Variants in DOCK3 observed in about 807,000 individuals in gnomAD.
The protein encoded by DOCK3 is dedicator of cytokinesis protein 3.
Under a neutral mutation model 265.6 loss-of-function variants are expected in DOCK3, and 60 were observed. That is an observed-to-expected ratio of 0.23 (90% CI 0.18 to 0.28). The LOEUF is 0.28. Ranked by LOEUF, DOCK3 falls within the 10% of genes least tolerant of loss-of-function variation. The pLI, the probability that DOCK3 is intolerant of heterozygous loss-of-function variation, is 1.00. For synonymous variants in DOCK3, 881 were observed against 938.0 expected, an observed-to-expected ratio of 0.94 and a Z score of 1.11; for missense variants, 1,981 against 2,594.3, an observed-to-expected ratio of 0.76 and a Z score of 5.14.
intron 1 of DOCK3, chr3:50,719,855 A>G: frequency 1.4e-6 from 1 of 710,434 alleles, no homozygotes; most frequent in Non-Finnish European, 2.6e-6. Flanking sequence ...CATTCTTTCC[A>G]GTGCTCAGAG....
At chr3:51,215,251 G>A (rs550763252) in intron 14 of DOCK3, among the ~76,000 whole-genome samples, 3 of 152,070 alleles carry the variant, frequency 2.0e-5, no homozygotes, top group Non-Finnish European at 2.9e-5. Flanking sequence ...GCGACTACAC[G>A]TGTACATCAC....
intron 2 of DOCK3, among the ~76,000 whole-genome samples, chr3:50,785,074 T>C (rs1441550848): frequency 1.3e-5 from 2 of 152,192 alleles, no homozygotes; most frequent in Non-Finnish European, 2.9e-5. Flanking sequence ...GGAGAATTGC[T>C]TGAACCTGGG....
intron 1 of DOCK3, among the ~76,000 whole-genome samples, chr3:50,708,894 A>G (rs945753237): frequency 1.3e-5 from 2 of 152,192 alleles, no homozygotes; most frequent in East Asian, 3.8e-4. Context: ...ATGTGTGGTT[A>G]TCTACTTAGT....
chr3:50,886,376 C>T lies in DOCK3; in HGVS notation c.163-3650C>T, dbSNP rs375008614. ...GATAGTCATCATTTAGCTATGGTTACGTGCAGTTGCTTTTTAAATCCTTTT... is the reference window on the plus strand; with the variant it reads ...GATAGTCATCATTTAGCTATGGTTATGTGCAGTTGCTTTTTAAATCCTTTT... On this transcript the variant is annotated intron_variant, in intron 3 of 52. Transcript: ENST00000266037. Among the ~76,000 whole-genome samples the T allele has an allele frequency of 5.9e-5, 9 of 151,664 alleles. No individual in the cohort carries two copies. In the East Asian group the frequency reaches 9.7e-4, roughly 16 times the overall value.
At chr3:51,118,564 A>T (rs1450072437) in intron 9 of DOCK3, among the ~76,000 whole-genome samples, 1 of 152,190 alleles carries the variant, frequency 6.6e-6, no homozygotes, top group Non-Finnish European at 1.5e-5. Flanking sequence ...GGGGTGTTAA[A>T]GTCTCCCACT....
intron 1 of DOCK3, among the ~76,000 whole-genome samples, chr3:50,731,263 A>G (rs1002983062): frequency 1.3e-5 from 2 of 152,368 alleles, no homozygotes; most frequent in East Asian, 1.9e-4. Context: ...GGCAAGGTCA[A>G]TTTAACAACT....
chr3:51,079,277 T>C (rs895530523), intron 7 of DOCK3, among the ~76,000 whole-genome samples: 14 of 152,160 alleles, frequency 9.2e-5, no homozygotes, highest in Non-Finnish European at 1.8e-4. Context: ...TAATGATTGA[T>C]AAAAGTCTCT....
At chr3:51,049,793 C>CCACA (rs34449511) in intron 5 of DOCK3, among the ~76,000 whole-genome samples, 289 of 147,308 alleles carry the variant, frequency 2.0e-3, no homozygotes, top group African/African-American at 5.2e-3. Flanking sequence ...CCTAATGGGT[C>CCACA]CACACACACA....
At chr3:50,704,509 A>G (rs1430437810) in intron 1 of DOCK3, among the ~76,000 whole-genome samples, 1 of 152,204 alleles carries the variant, frequency 6.6e-6, no homozygotes, top group Non-Finnish European at 1.5e-5. Flanking sequence ...TAAAGTAACC[A>G]TATAATGACT....
chr3:51,255,489 C>T (rs895654376), intron 22 of DOCK3, among the ~76,000 whole-genome samples: 2 of 152,240 alleles, frequency 1.3e-5, no homozygotes, highest in African/African-American at 2.4e-5. Context: ...TTCTCCCCGT[C>T]ACTTTCAGGT....
At chr3:50,835,547 C>T (rs887339483) in intron 2 of DOCK3, among the ~76,000 whole-genome samples, 5 of 152,158 alleles carry the variant, frequency 3.3e-5, no homozygotes, top group African/African-American at 9.7e-5. Context: ...TTAGGGCAGC[C>T]TGTATTAAAG....
At chr3:51,289,588 T>G (rs1389171658) in intron 27 of DOCK3, among the ~76,000 whole-genome samples, 2 of 150,720 alleles carry the variant, frequency 1.3e-5, no homozygotes, top group South Asian at 2.1e-4. Flanking sequence ...TGAATGTAAA[T>G]AGATTAAATT....
chr3:50,927,226 C>T lies in DOCK3; in HGVS notation c.219-6755C>T, dbSNP rs145080071. 1.3e-4 allele frequency among the ~76,000 whole-genome samples: 20 copies of T among 152,294 alleles called. No homozygotes were observed. In the East Asian group the frequency reaches 3.3e-3, roughly 25 times the overall value. The stretch of plus-strand genomic sequence containing the variant: ...CCTTGACTACAGTATTTATTTCTGC[C>T]TCCTTCCTTCCCCTCACTGACTTAA... On this transcript the variant is annotated intron_variant, in intron 4 of 52. Coordinates refer to ENST00000266037, the MANE Select transcript of DOCK3 (RefSeq NM_004947.5).
intron 1 of DOCK3, among the ~76,000 whole-genome samples, chr3:50,715,578 G>A (rs757562240): frequency 2.6e-5 from 4 of 151,986 alleles, no homozygotes; most frequent in Non-Finnish European, 4.4e-5. Flanking sequence ...AAAATGAGTA[G>A]GTATTTTCAG....
intron 1 of DOCK3, among the ~76,000 whole-genome samples, chr3:50,750,443 C>T (rs901501327): frequency 1.3e-5 from 2 of 151,506 alleles, no homozygotes. Context: ...TATTCTCCTG[C>T]CTCAGCCTCC....
At chr3:51,353,835 C>T (rs2086176568) in intron 40 of DOCK3, among the ~76,000 whole-genome samples, 1 of 151,946 alleles carries the variant, frequency 6.6e-6, no homozygotes, top group Non-Finnish European at 1.5e-5. Context: ...GCTGGCAGTG[C>T]CTGATACCAT....
In DOCK3 at chr3:51,214,107, C is replaced by A. The variant is rs764305795; in HGVS notation, c.1127-15C>A. 2.4e-5 allele frequency: 39 copies of A among 1,613,348 alleles called. No individual in the cohort carries two copies. The highest frequency in any genetic ancestry group is 3.1e-5 in the Non-Finnish European group (36 of 1,179,682). On this transcript the variant is annotated splice_polypyrimidine_tract_variant and intron_variant, in intron 13 of 52. Transcript: ENST00000266037. ...GTAGAACTGTGGTTCTAAGAAAATG[C>A]TTTTGTTTTTGCAGGTCTTATCATT...
At chr3:51,312,649 C>T in intron 30 of DOCK3, 73 bp downstream of exon 30, 2 of 1,407,016 alleles carry the variant, frequency 1.4e-6, no homozygotes, top group Non-Finnish European at 1.9e-6. Context: ...AGAGTTCTTT[C>T]AGAGGTCCAC....
chr3:51,379,972 G>A (rs1026052282), intron 51 of DOCK3, among the ~76,000 whole-genome samples, 153 bp from the exon 52 acceptor site: 7 of 152,186 alleles, frequency 4.6e-5, no homozygotes, highest in Non-Finnish European at 1.0e-4. Context: ...TTTGGAGAAG[G>A]CCAGTGTAAA....
Sources: gnomAD v4.1 joint callset for allele counts (sites outside exome capture counted in the v4.1 genomes callset) on GRCh38, gnomAD v4.1.1 for gene constraint, MANE v1.5 for transcripts, NCBI Gene and HGNC (gene_info 2026-07-23, HGNC 2026-07-21) for gene names.